Variants in RGS6 observed in about 807,000 individuals in gnomAD.
The protein encoded by RGS6 is regulator of G-protein signaling 6.
RGS6 carries 30 observed loss-of-function variants against 78.5 expected under a neutral mutation model. That is an observed-to-expected ratio of 0.38 (90% CI 0.29 to 0.52). RGS6 has a LOEUF of 0.52. Among genes scored for constraint, RGS6 ranks in the 20% least tolerant of loss-of-function variants. The pLI is 0.85. For missense variants in RGS6, 495 were observed against 609.7 expected (o/e 0.81, Z 1.98); for synonymous variants, 206 against 206.0 (o/e 1.00, Z 0.00).
At chr14:72,206,484 C>G (rs755059501) in intron 2 of RGS6, among the ~76,000 whole-genome samples, 3 of 151,758 alleles carry the variant, frequency 2.0e-5, no homozygotes, top group Non-Finnish European at 4.4e-5. Flanking sequence ...GTGTGTGTCA[C>G]ACACACACAG....
intron 2 of RGS6, among the ~76,000 whole-genome samples, chr14:72,309,199 T>C (rs1282199286): frequency 6.6e-6 from 1 of 152,230 alleles, no homozygotes; most frequent in Non-Finnish European, 1.5e-5. Flanking sequence ...TGCCCTTTGC[T>C]CTGCACCTCC....
At chr14:72,264,646 AG>A (rs1419607660) in intron 2 of RGS6, among the ~76,000 whole-genome samples, 3 of 152,344 alleles carry the variant, frequency 2.0e-5, no homozygotes, top group East Asian at 3.9e-4. Flanking sequence ...CATAAATTAG[AG>A]GACACTCTTA....
intron 2 of RGS6, among the ~76,000 whole-genome samples, chr14:72,157,123 T>G (rs1011073543): frequency 1.2e-4 from 19 of 152,176 alleles, no homozygotes; most frequent in African/African-American, 4.3e-4. Flanking sequence ...ATATAGGAAG[T>G]GTTGAATTAG....
At chr14:72,560,129 G>A (rs1295532944) in intron 17 of RGS6, among the ~76,000 whole-genome samples, 1 of 151,750 alleles carries the variant, frequency 6.6e-6, no homozygotes. Context: ...CCATCCACCA[G>A]CTAAATGAGA....
intron 2 of RGS6, among the ~76,000 whole-genome samples, chr14:72,147,790 G>A (rs2096625608): frequency 6.6e-6 from 1 of 152,144 alleles, no homozygotes. Flanking sequence ...ATCCAGAGTG[G>A]GAGGTGGAGA....
At chr14:71,995,120 G>A (rs761015836) in intron 2 of RGS6, among the ~76,000 whole-genome samples, 13 of 152,082 alleles carry the variant, frequency 8.5e-5, no homozygotes, top group Non-Finnish European at 1.5e-4. Context: ...TGTCAAAACT[G>A]AACATCTTTC....
chr14:72,317,506 C>T (rs1252526770), intron 2 of RGS6, among the ~76,000 whole-genome samples: 1 of 152,116 alleles, frequency 6.6e-6, no homozygotes, highest in Non-Finnish European at 1.5e-5. Flanking sequence ...TGTCGAAGGC[C>T]TTCGCAAATT....
At chr14:72,474,796 C>A (rs1381486815) in intron 10 of RGS6, 97 bp downstream of exon 10, 5 of 977,320 alleles carry the variant, frequency 5.1e-6, no homozygotes, top group Non-Finnish European at 7.7e-6. Context: ...AATTCTACCA[C>A]CTTTTGTCAT....
intron 10 of RGS6, among the ~76,000 whole-genome samples, chr14:72,475,101 G>C (rs756564905): frequency 1.3e-5 from 2 of 152,160 alleles, no homozygotes; most frequent in Non-Finnish European, 2.9e-5. Context: ...TCCTGGGGAG[G>C]TGGCAGGGAG....
At chr14:72,250,593 T>C (rs992958619) in intron 2 of RGS6, among the ~76,000 whole-genome samples, 1 of 131,788 alleles carries the variant, frequency 7.6e-6, no homozygotes, top group African/African-American at 2.5e-5. Context: ...GTCATTGATA[T>C]AGACCAGTGG....
intron 2 of RGS6, among the ~76,000 whole-genome samples, chr14:72,317,778 T>C (rs779458787): frequency 6.6e-6 from 1 of 152,136 alleles, no homozygotes; most frequent in Admixed American, 6.5e-5. Context: ...TTGAAAATCA[T>C]TGTATTAGTC....
chr14:72,228,317 G>C (rs1839153030), intron 2 of RGS6, among the ~76,000 whole-genome samples: 1 of 152,088 alleles, frequency 6.6e-6, no homozygotes, highest in South Asian at 2.1e-4. Context: ...GGAGGTGGAG[G>C]TTGCAGTGAG....
intron 4 of RGS6, among the ~76,000 whole-genome samples, chr14:72,457,299 A>G (rs2095658046): frequency 6.6e-6 from 1 of 152,198 alleles, no homozygotes; most frequent in Non-Finnish European, 1.5e-5. Flanking sequence ...GAGCTCGTGA[A>G]ATTAATAATT....
intron 1 of RGS6, among the ~76,000 whole-genome samples, chr14:71,962,704 A>C (rs2093286852): frequency 1.3e-5 from 2 of 152,206 alleles, no homozygotes; most frequent in Admixed American, 1.3e-4. Context: ...ATGTAATCTA[A>C]TTTTAAAAAA....
the RGS6 span, among the ~76,000 whole-genome samples, chr14:72,579,863 T>A: frequency 6.6e-5 from 10 of 152,314 alleles, no homozygotes; most frequent in East Asian, 1.9e-3. Flanking sequence ...GTCATGTTAG[T>A]GTGGACTGGG....
chr14:72,093,510 C>G (rs2095330750), intron 2 of RGS6, among the ~76,000 whole-genome samples: 1 of 152,232 alleles, frequency 6.6e-6, no homozygotes, highest in South Asian at 2.1e-4. Flanking sequence ...TCCTAAAGTG[C>G]TGGCACTACA....
intron 3 of RGS6, among the ~76,000 whole-genome samples, chr14:72,414,232 A>G (rs2093639271): frequency 6.6e-6 from 1 of 152,112 alleles, no homozygotes; most frequent in South Asian, 2.1e-4. Flanking sequence ...TGGGCTTTTC[A>G]CATACTCCCG....
chr14:72,235,917 G>T (rs1468897048), intron 2 of RGS6, among the ~76,000 whole-genome samples: 3 of 152,002 alleles, frequency 2.0e-5, no homozygotes, highest in Non-Finnish European at 4.4e-5. Flanking sequence ...TCTTTGTAAG[G>T]GCTATTAACA....
In RGS6 at chr14:72,343,738, C is replaced by T. The variant is rs562118279; in HGVS notation, c.85-8357C>T. ...GTGATCCATGGAGCCAGCTCTGGTT[C>T]ATGCCAATAATCTCATTTATCCAGC... On this transcript the variant is annotated intron_variant, in intron 2 of 17. Coordinates refer to ENST00000553525, the MANE Select transcript of RGS6 (RefSeq NM_001204424.2). Among the ~76,000 whole-genome samples the T allele has an allele frequency of 2.6e-5, 4 of 152,302 alleles. No homozygotes were observed. The East Asian group carries it at 7.8e-4, about 30-fold the overall frequency.
Sources: gnomAD v4.1 joint callset for allele counts (sites outside exome capture counted in the v4.1 genomes callset) on GRCh38, gnomAD v4.1.1 for gene constraint, MANE v1.5 for transcripts, NCBI Gene and HGNC (gene_info 2026-07-23, HGNC 2026-07-21) for gene names.